NUP214: variants seen among roughly 807,000 people sequenced by gnomAD.
NUP214 encodes nuclear pore complex protein Nup214.
NUP214 carries 79 observed loss-of-function variants against 196.2 expected under a neutral mutation model. That is an observed-to-expected ratio of 0.40 (90% CI 0.34 to 0.49). The LOEUF is 0.49. Among genes scored for constraint, NUP214 ranks in the 20% least tolerant of loss-of-function variants. NUP214 has a pLI of 0.58. For missense variants in NUP214, 2,468 were observed against 2,539.0 expected (o/e 0.97, Z 0.60); for synonymous variants, 1,020 against 990.5 (o/e 1.03, Z -0.56).
intron 12 of NUP214, among the ~76,000 whole-genome samples, chr9:131,145,440 T>C (rs1481643044): frequency 2.0e-5 from 3 of 152,126 alleles, no homozygotes; most frequent in African/African-American, 7.2e-5. Context: ...TACTACCAGC[T>C]TTTTCCCTAC....
At chr9:131,192,909 C>G (rs1471054162) in intron 27 of NUP214, among the ~76,000 whole-genome samples, 1 of 136,096 alleles carries the variant, frequency 7.3e-6, no homozygotes, top group African/African-American at 2.8e-5. Context: ...CCATTGTACT[C>G]CAGCCTGGGC....
intron 24 of NUP214, among the ~76,000 whole-genome samples, chr9:131,184,368 C>G (rs1329663670): frequency 7.5e-6 from 1 of 133,954 alleles, no homozygotes; most frequent in East Asian, 2.3e-4. Context: ...GAGTCTCGCT[C>G]TGTCACTCAG....
chr9:131,205,856 T>G (rs1221934770), intron 30 of NUP214, among the ~76,000 whole-genome samples: 1 of 152,084 alleles, frequency 6.6e-6, no homozygotes, highest in East Asian at 1.9e-4. Context: ...CTAATTTTTG[T>G]ATTTTTAGTA....
Position 131,218,820 on chromosome 9 carries a change from C to T in NUP214, c.5749+3452C>T, listed in dbSNP as rs544906666. Among the ~76,000 whole-genome samples, 4 of 152,192 alleles carry T rather than the reference C, an allele frequency of 2.6e-5. No individual in the cohort carries two copies. In the East Asian group the frequency reaches 7.7e-4, roughly 29 times the overall value. ...ATTCAGGGCCCTCCTTGAGCTGGCC[C>T]CAAAGTACCTTTCTGACTGTACTCA... On this transcript the variant is annotated intron_variant, in intron 31 of 35. Transcript: ENST00000359428.
chr9:131,132,839 G>A (rs1043100729), intron 6 of NUP214, 180 bp downstream of exon 6: 45 of 631,970 alleles, frequency 7.1e-5, no homozygotes, highest in Non-Finnish European at 1.2e-4. Context: ...TGACATCTGT[G>A]TTTCACGATA....
In NUP214 at chr9:131,144,419, C is replaced by T. The variant is rs1331073563; in HGVS notation, c.1434C>T (p.Ala478=). 1 of 1,614,132 alleles carries T rather than the reference C, an allele frequency of 6.2e-7. No homozygotes were observed. Among genetic ancestry groups the T allele is most frequent in the African/African-American group, 1.3e-5 (1 of 75,022 alleles). Reference sequence around the variant, plus strand: ...TTTCTTTGCTTCCTGCTGGTGGAGCCCCCACTGTGTTCTCCTTTGGTTCTT... The same window carrying T: ...TTTCTTTGCTTCCTGCTGGTGGAGCTCCCACTGTGTTCTCCTTTGGTTCTT... ...ATFSLLPAGG[A]PTVFSFGSSS... Residue 478 remains alanine (A), a synonymous_variant, in exon 12 of 36, where the codon GCC becomes GCT. Transcript: ENST00000359428.
intron 31 of NUP214, among the ~76,000 whole-genome samples, chr9:131,220,771 C>CG (rs1272216483): frequency 4.6e-5 from 7 of 152,168 alleles, no homozygotes; most frequent in African/African-American, 1.7e-4. Flanking sequence ...TAATCTCACC[C>CG]GGGTCTGACT....
rs1222096271 is a variant in NUP214 at position 131,157,321 on chromosome 9, T to A, written c.2437-2062T>A. On this transcript the variant is annotated intron_variant, in intron 17 of 35. Coordinates refer to ENST00000359428, the MANE Select transcript of NUP214 (RefSeq NM_005085.4). ...GACTACAGGCACACGCCACCATGTC[T>A]GGCTAATTTTTAAAATTTTTGTAGA... 5.3e-5 allele frequency among the ~76,000 whole-genome samples: 8 copies of A among 152,136 alleles called. No homozygotes were observed. The East Asian group carries it at 1.5e-3, about 29-fold the overall frequency.
At chr9:131,176,283 G>C (rs955481217) in intron 23 of NUP214, among the ~76,000 whole-genome samples, 4 of 151,828 alleles carry the variant, frequency 2.6e-5, no homozygotes, top group Non-Finnish European at 5.9e-5. Context: ...CTCTTTTTCA[G>C]TTGAGCATTT....
At chr9:131,192,025 C>A in intron 26 of NUP214, 183 bp from the exon 27 acceptor site, 1 of 466,068 alleles carries the variant, frequency 2.1e-6, no homozygotes, top group Non-Finnish European at 3.8e-6. Flanking sequence ...ATTTCAGAGA[C>A]CTCAAACACA....
Position 131,228,414 on chromosome 9 carries a change from A to G in NUP214, c.6074+83A>G, listed in dbSNP as rs976746626. On this transcript the variant is annotated intron_variant, in intron 33 of 35. Coordinates refer to ENST00000359428, the MANE Select transcript of NUP214 (RefSeq NM_005085.4). ...GCCTGTACTCTTGCTCTGAAAAGAAATTTGACCATGAGGTGAAGGCCCCTC... is the reference window on the plus strand; with the variant it reads ...GCCTGTACTCTTGCTCTGAAAAGAAGTTTGACCATGAGGTGAAGGCCCCTC... The G allele has an allele frequency of 2.1e-6, 3 of 1,403,872 alleles. No individual in the cohort carries two copies. In the African/African-American group the frequency reaches 4.5e-5, roughly 21 times the overall value. The allele number at this position is 1,403,872 out of a possible 1,614,324, so 87.0% of individuals were successfully genotyped here. A position where few individuals can be genotyped will look rare whatever the true frequency, so the allele number is the denominator to read the frequency against.
intron 32 of NUP214, among the ~76,000 whole-genome samples, chr9:131,225,311 C>T (rs1447879173): frequency 1.3e-5 from 2 of 150,102 alleles, no homozygotes; most frequent in Non-Finnish European, 3.0e-5. Flanking sequence ...CCCAGCTCCT[C>T]GGGAGACTGA....
intron 23 of NUP214, among the ~76,000 whole-genome samples, chr9:131,177,389 A>G (rs1432416281): frequency 3.9e-5 from 6 of 152,210 alleles, no homozygotes; most frequent in African/African-American, 9.7e-5. Context: ...CAAGTCAATG[A>G]TCTGTAAAAC....
chr9:131,172,893 G>C (rs919359376), intron 21 of NUP214, among the ~76,000 whole-genome samples: 2 of 152,132 alleles, frequency 1.3e-5, no homozygotes, highest in Non-Finnish European at 1.5e-5. Context: ...AAGAAAAAGG[G>C]CTAGATTATT....
chr9:131,194,891 C>T (rs1833731684), intron 27 of NUP214, among the ~76,000 whole-genome samples: 1 of 152,182 alleles, frequency 6.6e-6, no homozygotes, highest in Non-Finnish European at 1.5e-5. Flanking sequence ...CTCCGGCCAC[C>T]ATTCCCACAT....
intron 30 of NUP214, among the ~76,000 whole-genome samples, chr9:131,208,652 G>A (rs1009386330): frequency 2.1e-4 from 31 of 145,168 alleles, no homozygotes; most frequent in Middle Eastern, 4.2e-3. Flanking sequence ...AGCCGAGATC[G>A]CGCCACTGCA....
rs1263146349 is a variant in NUP214 at position 131,232,529 on chromosome 9, C to T, written c.6239+221C>T. The T allele has an allele frequency of 1.8e-5, 11 of 610,756 alleles. No homozygotes were observed. The highest frequency in any genetic ancestry group is 7.4e-5 in the African/African-American group (4 of 54,268). 37.8% of individuals were successfully genotyped at this position (610,756 alleles called of 1,614,324 possible). On this transcript the variant is annotated intron_variant, in intron 35 of 35. Transcript: ENST00000359428. The surrounding 1 kb of genome is among the most constrained non-coding windows in gnomAD (Gnocchi z 5.1). ...TGCCAGGCCTCGCCTTCTTAAGAGGCGTGGTTCAAAGAGAAAAGAGCACGC... is the reference window on the plus strand; with the variant it reads ...TGCCAGGCCTCGCCTTCTTAAGAGGTGTGGTTCAAAGAGAAAAGAGCACGC...
rs1472227710 is a variant in NUP214, at chr9:131,228,341, C to T, written c.6074+10C>T. On this transcript the variant is annotated intron_variant, in intron 33 of 35. Transcript: ENST00000359428. ...GCGCAGGAGGATTCGGGTAAGCCCC[C>T]TGGGGAGGGCCCTTGGGAACCCACA... 16 of 1,572,540 alleles carry T rather than the reference C, an allele frequency of 1.0e-5. No individual in the cohort carries two copies. Among genetic ancestry groups the T allele is most frequent in the African/African-American group, 1.4e-5 (1 of 71,696 alleles).
At position 131,130,151 on chromosome 9, in the gene NUP214, G is replaced by GTTTTTTTTTTTTT. The variant is rs56836232; in HGVS notation, c.593-605_593-604insTTTTTTTTTTTTT. On this transcript the variant is annotated intron_variant, in intron 4 of 35. Coordinates refer to ENST00000359428, the MANE Select transcript of NUP214 (RefSeq NM_005085.4). Reference sequence around the variant, plus strand: ...TTTCTGGTTTTGTTTTTTTTTTTTTGTTTTTTTTTTGAGACAGAGTCTTGC... The same window carrying GTTTTTTTTTTTTT: ...TTTCTGGTTTTGTTTTTTTTTTTTTGTTTTTTTTTTTTTTTTTTTTTTTGAGACAGAGTCTTGC... Among the ~76,000 whole-genome samples, 4 of 109,200 alleles carry GTTTTTTTTTTTTT rather than the reference G, an allele frequency of 3.7e-5. 1 individual carries two copies. Among genetic ancestry groups the GTTTTTTTTTTTTT allele is most frequent in the African/African-American group, 7.2e-5 (2 of 27,616 alleles). The allele number at this position is 109,200 out of a possible 152,430, so 71.6% of individuals were successfully genotyped here. A position where few individuals can be genotyped will look rare whatever the true frequency, so the allele number is the denominator to read the frequency against.
Sources: gnomAD v4.1 joint callset for allele counts (sites outside exome capture counted in the v4.1 genomes callset) on GRCh38, gnomAD v4.1.1 for gene constraint, Gnocchi (gnomAD v3.1) non-coding constraint, MANE v1.5 for transcripts, NCBI Gene and HGNC (gene_info 2026-07-23, HGNC 2026-07-21) for gene names.